RAD51B: variants seen among roughly 807,000 people sequenced by gnomAD.
RAD51B encodes the protein DNA repair protein RAD51 homolog 2.
In RAD51B, 38 loss-of-function variants were observed where a neutral mutation model predicts 42.2. The observed-to-expected ratio is 0.90, with a 90% CI of 0.70 to 1.18. The LOEUF (loss-of-function observed/expected upper bound fraction) is 1.18. Ranked by LOEUF, RAD51B falls within the 50% of genes most tolerant of loss-of-function variation. The pLI is 0.00. For missense variants in RAD51B, 373 were observed against 400.7 expected (o/e 0.93, Z 0.59); for synonymous variants, 154 against 145.2 (o/e 1.06, Z -0.43).
chr14:68,283,702 G>A (rs1354928095), intron 7 of RAD51B, among the ~76,000 whole-genome samples: 2 of 152,112 alleles, frequency 1.3e-5, no homozygotes, highest in Non-Finnish European at 2.9e-5. Flanking sequence ...GAACCAACAC[G>A]TGCTAACCTC....
intron 7 of RAD51B, among the ~76,000 whole-genome samples, chr14:68,196,208 T>A (rs1172644064): frequency 6.6e-6 from 1 of 150,468 alleles, no homozygotes; most frequent in Non-Finnish European, 1.5e-5. Context: ...AAAAAAAAAA[T>A]TATATTCCTT....
chr14:68,591,848 G>A (rs767310314), intron 10 of RAD51B, among the ~76,000 whole-genome samples: 10 of 152,016 alleles, frequency 6.6e-5, no homozygotes, highest in Non-Finnish European at 1.5e-4. Context: ...GTGATTGGCC[G>A]GCCACCTGGA....
chr14:68,555,774 C>G (rs181930226), intron 10 of RAD51B, among the ~76,000 whole-genome samples: 22 of 152,310 alleles, frequency 1.4e-4, no homozygotes, highest in Admixed American at 1.3e-3. Flanking sequence ...CCCTGATTGA[C>G]AGCTGGGTGA....
intron 7 of RAD51B, among the ~76,000 whole-genome samples, chr14:68,146,902 A>G (rs1339935609): frequency 6.6e-6 from 1 of 152,184 alleles, no homozygotes; most frequent in African/African-American, 2.4e-5. Context: ...TGATTGCTTA[A>G]AGATAAAAAG....
At chr14:68,072,115 T>C (rs1479906774) in intron 7 of RAD51B, among the ~76,000 whole-genome samples, 1 of 120,482 alleles carries the variant, frequency 8.3e-6, no homozygotes, top group Non-Finnish European at 1.7e-5. Flanking sequence ...ATATAAAAAA[T>C]ATATAAAATA....
rs1362450287 is a variant in RAD51B at position 68,138,163 on chromosome 14, C to T, written c.757-153721C>T. Among the ~76,000 whole-genome samples the T allele has an allele frequency of 2.6e-5, 4 of 151,868 alleles. No homozygotes were observed. In the East Asian group the frequency reaches 7.7e-4, roughly 29 times the overall value. On this transcript the variant is annotated intron_variant, in intron 7 of 10. Coordinates refer to ENST00000471583, the MANE Select transcript of RAD51B (RefSeq NM_133510.4). ...TTTAGTATTTTTTTTTTCCAGGGCT[C>T]AGGTTGTTATTCCCAGAGTTTTCCA...
At chr14:68,587,170 G>T (rs111878356) in intron 10 of RAD51B, among the ~76,000 whole-genome samples, 3,014 of 152,290 alleles carry the variant, frequency 0.02, 31 homozygotes, top group Middle Eastern at 0.065. Context: ...GAACCCCTCT[G>T]TCCACACAAA....
At chr14:68,340,400 G>C (rs2082549040) in intron 8 of RAD51B, among the ~76,000 whole-genome samples, 1 of 152,294 alleles carries the variant, frequency 6.6e-6, no homozygotes, top group East Asian at 1.9e-4. Context: ...GGACAGATGG[G>C]CTCCTGGGAG....
chr14:68,570,878 C>A (rs1057355779), intron 10 of RAD51B, among the ~76,000 whole-genome samples: 1 of 150,700 alleles, frequency 6.6e-6, no homozygotes, highest in African/African-American at 2.4e-5. Flanking sequence ...GAGCGCCACA[C>A]ACACACACAC....
chr14:68,611,285 T>C (rs1891672912), exon 11 of RAD51B: 1 of 700,586 alleles, frequency 1.4e-6, no homozygotes, highest in African/African-American at 1.7e-5. Context: ...CAGATCTACA[T>C]TTAACATCCG....
intron 7 of RAD51B, among the ~76,000 whole-genome samples, chr14:68,117,115 G>C (rs1222972526): frequency 6.6e-6 from 1 of 152,172 alleles, no homozygotes; most frequent in Non-Finnish European, 1.5e-5. Context: ...CTATATCATA[G>C]AGCGTGCTCC....
intron 7 of RAD51B, among the ~76,000 whole-genome samples, chr14:68,188,608 T>G (rs2079203486): frequency 1.3e-5 from 2 of 152,210 alleles, no homozygotes; most frequent in Admixed American, 1.3e-4. Flanking sequence ...TCAAAGCAAT[T>G]TTTTCCACAC....
chr14:68,414,220 A>G (rs1031418068), intron 9 of RAD51B, among the ~76,000 whole-genome samples: 5 of 152,196 alleles, frequency 3.3e-5, no homozygotes, highest in African/African-American at 1.2e-4. Flanking sequence ...ATAACCAAGA[A>G]AGAAATCTTA....
At chr14:68,605,393 G>A (rs141675007) in intron 10 of RAD51B, among the ~76,000 whole-genome samples, 70 of 152,328 alleles carry the variant, frequency 4.6e-4, no homozygotes, top group African/African-American at 1.7e-3. Context: ...GAGTACACTC[G>A]AACAAAGGAG....
intron 7 of RAD51B, among the ~76,000 whole-genome samples, chr14:68,281,989 T>C (rs1290520104): frequency 6.6e-6 from 1 of 151,986 alleles, no homozygotes; most frequent in Non-Finnish European, 1.5e-5. Context: ...TTTTTTTTTT[T>C]TTTTCTTTTG....
intron 11 of RAD51B, among the ~76,000 whole-genome samples, chr14:68,682,571 G>A (rs1893453792): frequency 6.6e-6 from 1 of 152,102 alleles, no homozygotes; most frequent in African/African-American, 2.4e-5. Context: ...CATAGATTAC[G>A]AAAACACAAA....
At chr14:68,504,949 T>C (rs1486456179) in intron 10 of RAD51B, among the ~76,000 whole-genome samples, 1 of 152,078 alleles carries the variant, frequency 6.6e-6, no homozygotes, top group Non-Finnish European at 1.5e-5. Context: ...CAGCAAGGGG[T>C]CCATAACTCT....
At chr14:67,991,095 G>A (rs990479755) in intron 7 of RAD51B, among the ~76,000 whole-genome samples, 1 of 152,132 alleles carries the variant, frequency 6.6e-6, no homozygotes, top group Non-Finnish European at 1.5e-5. Flanking sequence ...TAGGACCCAG[G>A]CACTTAAATC....
At chr14:68,239,495 C>G (rs1252405482) in intron 7 of RAD51B, among the ~76,000 whole-genome samples, 1 of 152,050 alleles carries the variant, frequency 6.6e-6, no homozygotes, top group Non-Finnish European at 1.5e-5. Context: ...AAAAAGCTGT[C>G]CTTCTCCACA....
Sources: gnomAD v4.1 joint callset for allele counts (sites outside exome capture counted in the v4.1 genomes callset) on GRCh38, gnomAD v4.1.1 for gene constraint, MANE v1.5 for transcripts, NCBI Gene and HGNC (gene_info 2026-07-23, HGNC 2026-07-21) for gene names.